Variants in LOXL3 observed in about 807,000 individuals in gnomAD.
The protein encoded by LOXL3 is lysyl oxidase like 3.
LOXL3 carries 60 observed loss-of-function variants against 91.8 expected under a neutral mutation model. The observed-to-expected ratio is 0.65, with a 90% CI of 0.53 to 0.81. The LOEUF (loss-of-function observed/expected upper bound fraction) is 0.81, where lower values mean the gene tolerates loss of function less well. Ranked by LOEUF, LOXL3 falls within the 30% of genes least tolerant of loss-of-function variation. The probability of loss-of-function intolerance (pLI) is 0.00; values close to 1 mark genes in which losing one functional copy is unlikely to be tolerated. For missense variants in LOXL3, 874 were observed against 1,000.4 expected (o/e 0.87, Z 1.70); for synonymous variants, 355 against 387.6 (o/e 0.92, Z 0.99).
chr2:74,534,330 G>A lies in LOXL3; in HGVS notation c.1925C>T (p.Thr642Ile), dbSNP rs773192522. ...GHKASFCLED[T>I]ECQEDVSKRY... ...CCCCAACTCACCCTCCTGACACTCA[G>A]TGTCTTCGAGACAGAAACTAGCTTT... The change falls in exon 11 of 14, where the codon ACT becomes ATT. Residue 642 changes from threonine (T) to isoleucine (I), a missense_variant. Thr to Ile is a moderately conservative substitution (Grantham distance 89, BLOSUM62 -1). Coordinates refer to ENST00000264094, the MANE Select transcript of LOXL3 (RefSeq NM_032603.5). 3.1e-6 allele frequency: 5 copies of A among 1,614,274 alleles called. No individual in the cohort carries two copies. The highest frequency in any genetic ancestry group is 1.1e-5 in the South Asian group (1 of 91,092).
chr2:74,555,606 A>G, upstream of LOXL3: 1 of 1,614,042 alleles, frequency 6.2e-7, no homozygotes. The surrounding 1 kb of genome is among the most constrained non-coding windows in gnomAD (Gnocchi z 6.1). Context: ...CCTACCGATA[A>G]CCCACCTAAG....
chr2:74,539,404 C>G (rs1331356460), intron 4 of LOXL3, among the ~76,000 whole-genome samples: 1 of 151,804 alleles, frequency 6.6e-6, no homozygotes, highest in African/African-American at 2.4e-5. Flanking sequence ...GATGTCAATC[C>G]AGGTGGGGGA....
chr2:74,542,151 G>A (rs570395888), intron 4 of LOXL3, among the ~76,000 whole-genome samples: 1 of 151,738 alleles, frequency 6.6e-6, no homozygotes, highest in East Asian at 1.9e-4. Flanking sequence ...AAATTAGCCG[G>A]GTGTGGTGGC....
intron 4 of LOXL3, among the ~76,000 whole-genome samples, chr2:74,537,945 C>T (rs1676120646): frequency 6.6e-6 from 1 of 152,184 alleles, no homozygotes; most frequent in African/African-American, 2.4e-5. Context: ...ATAATGTGCC[C>T]TATCACTTGA....
chr2:74,542,455 A>T (rs1208724905), intron 4 of LOXL3, among the ~76,000 whole-genome samples: 1 of 152,002 alleles, frequency 6.6e-6, no homozygotes, highest in South Asian at 2.1e-4. Flanking sequence ...AATTTTTCTC[A>T]GTCCTGCATA....
At chr2:74,534,863 T>G (rs1448174453) in intron 9 of LOXL3, 89 bp from the exon 10 acceptor site, 1 of 1,427,166 alleles carries the variant, frequency 7.0e-7, no homozygotes, top group Non-Finnish European at 9.5e-7. Flanking sequence ...GTAAGACTAG[T>G]TTTTTGTTTT....
At position 74,532,607 on chromosome 2, in the gene LOXL3, G is replaced by A. The variant is rs187449105; in HGVS notation, c.*999C>T. 1.2e-5 allele frequency: 20 copies of A among 1,611,658 alleles called. No individual in the cohort carries two copies. In the East Asian group the frequency reaches 4.0e-4, roughly 32 times the overall value. On this transcript the variant is annotated 3_prime_UTR_variant, in exon 14 of 14. Transcript: ENST00000264094. ...CTGGGTTTGGCTAATAGGGTGATCT[G>A]TGTACTTTCAGCATCCTTGCTGAAC... is the stretch of plus-strand genomic sequence containing the variant.
chr2:74,541,647 A>G (rs1450571396), intron 4 of LOXL3, among the ~76,000 whole-genome samples: 2 of 152,124 alleles, frequency 1.3e-5, no homozygotes, highest in Admixed American at 1.3e-4. Context: ...TCACCAATCA[A>G]CCTGGAGAGT....
intron 4 of LOXL3, among the ~76,000 whole-genome samples, chr2:74,547,994 C>T (rs1385834430): frequency 6.6e-6 from 1 of 152,228 alleles, no homozygotes; most frequent in Non-Finnish European, 1.5e-5. Context: ...TTGGTTACAT[C>T]ATTGAAGTGT....
rs373368024 is a variant in LOXL3 at position 74,552,466 on chromosome 2, G to C, written c.169C>G (p.Arg57Gly). 1 of 1,613,676 alleles carries C rather than the reference G, an allele frequency of 6.2e-7. No individual in the cohort carries two copies. Among genetic ancestry groups the C allele is most frequent in the Non-Finnish European group, 8.5e-7 (1 of 1,179,904 alleles). The change falls in exon 2 of 14, where the codon CGC (arginine) becomes GGC (glycine). Residue 57 changes from arginine to glycine, a missense_variant. By Grantham distance (125) the Arg-to-Gly change is moderately radical. Coordinates refer to ENST00000264094, the MANE Select transcript of LOXL3 (RefSeq NM_032603.5). ...TCACCAGCTCGCTGTATCTCCACGC[G>C]GCCCTCGTAGGGCTTCCTGGGGAAG... ...AGFPRKPYEG[R>G]VEIQRAGEWG...
chr2:74,552,608 C>T lies in LOXL3; in HGVS notation c.27G>A (p.Trp9Ter). Residue 9 changes from tryptophan to a stop codon, truncating the protein, a stop_gained, in exon 2 of 14, where the codon TGG (tryptophan) becomes TGA (stop). Transcript: ENST00000264094. LOFTEE classifies it high-confidence loss of function. MRPVSVWQ[W>*]SPWGLLLCLL... ...GGCACAGCAGCAGCCCCCAGGGGCT[C>T]CACTGCCAGACACTGACAGGTCGCA... 6.3e-7 allele frequency: 1 copy of T among 1,581,940 alleles called. No individual in the cohort carries two copies. The highest frequency in any genetic ancestry group is 8.6e-7 in the Non-Finnish European group (1 of 1,159,098).
intron 4 of LOXL3, among the ~76,000 whole-genome samples, chr2:74,538,628 G>A (rs910237404): frequency 1.3e-5 from 2 of 152,212 alleles, no homozygotes; most frequent in African/African-American, 4.8e-5. Flanking sequence ...AGAGGCAGGG[G>A]CTGTCAATCT....
In LOXL3 at chr2:74,536,754, T is replaced by G; in HGVS notation, c.867A>C (p.Ala289=). The change falls in exon 5 of 14, where the codon GCA becomes GCC. Residue 289 remains alanine, a synonymous_variant. Transcript: ENST00000264094. The surrounding 1 kb of genome is among the most constrained non-coding windows in gnomAD (Gnocchi z 4.5). ...GTTGTTGCTTCTTCTGGCCACTGGA[T>G]GCCGCGTAGACAGGGCCTGGCACAC... ...VSCVPGPVYA[A]SSGQKKQQQS... 6.2e-7 allele frequency: 1 copy of G among 1,614,172 alleles called. No individual in the cohort carries two copies. Among genetic ancestry groups the G allele is most frequent in the Non-Finnish European group, 8.5e-7 (1 of 1,180,022 alleles).
chr2:74,550,617 C>T lies in LOXL3; in HGVS notation c.314-269G>A, dbSNP rs75639230. Among the ~76,000 whole-genome samples the T allele has an allele frequency of 4.8e-3, 729 of 152,318 alleles. 3 individuals carry two copies. The highest frequency in any genetic ancestry group is 0.016 in the African/African-American group (676 of 41,572). On this transcript the variant is annotated intron_variant, in intron 2 of 13. Transcript: ENST00000264094. Reference sequence around the variant, plus strand: ...CAAGAATCAACCCTGAAGTTCTGATCAGTCTCTACCCATTCATTGATAGCT... The same window carrying T: ...CAAGAATCAACCCTGAAGTTCTGATTAGTCTCTACCCATTCATTGATAGCT...
rs1676046600 is a variant in LOXL3, at chr2:74,536,727, CTGT to C, written c.891_893del (p.Gln298del). On this transcript the variant is annotated inframe_deletion, in exon 5 of 14. Transcript: ENST00000264094. The surrounding 1 kb of genome is among the most constrained non-coding windows in gnomAD (Gnocchi z 4.5). The stretch of plus-strand genomic sequence containing the variant: ...CACACACCTCCCCCTGAGGCTTCGA[CTGT>C]TGTTGCTTCTTCTGGCCACTGGATG... The C allele has an allele frequency of 3.1e-6, 5 of 1,614,206 alleles. No homozygotes were observed. The highest frequency in any genetic ancestry group is 1.7e-5 in the Admixed American group (1 of 60,022).
In LOXL3 at chr2:74,533,167, A is replaced by G. The variant is rs755820795; in HGVS notation, c.*439T>C. 1 of 613,654 alleles carries G rather than the reference A, an allele frequency of 1.6e-6. No individual in the cohort carries two copies. The highest frequency in any genetic ancestry group is 2.0e-5 in the South Asian group (1 of 50,266). 38.0% of individuals were successfully genotyped at this position (613,654 alleles called of 1,614,324 possible). A position where few individuals can be genotyped will look rare whatever the true frequency, so the allele number is the denominator to read the frequency against. ...CACTTTTTATATAAAATAAAATTAT[A>G]CCTAGCAACATATTATAGTAAAAAA... On this transcript the variant is annotated 3_prime_UTR_variant, in exon 14 of 14. Transcript: ENST00000264094.
At chr2:74,555,611 C>A, upstream of LOXL3, 1 of 1,614,192 alleles carries the variant, frequency 6.2e-7, no homozygotes, top group Non-Finnish European at 8.5e-7. The surrounding 1 kb of genome is among the most constrained non-coding windows in gnomAD (Gnocchi z 6.1). Flanking sequence ...CGATAACCCA[C>A]CTAAGCTTTC....
chr2:74,554,711 T>C (rs911465988), upstream of LOXL3: 3 of 1,598,706 alleles, frequency 1.9e-6, no homozygotes, highest in Non-Finnish European at 2.6e-6. The surrounding 1 kb of genome is among the most constrained non-coding windows in gnomAD (Gnocchi z 4.9). Flanking sequence ...CCGCCCCGCC[T>C]CCCGCCGCAG....
chr2:74,545,136 ATGGCTGC>A (rs1676527169), intron 4 of LOXL3, among the ~76,000 whole-genome samples: 1 of 152,240 alleles, frequency 6.6e-6, no homozygotes, highest in Non-Finnish European at 1.5e-5. Flanking sequence ...AAGCCCAGAG[ATGGCTGC>A]TGGTACCATC....
Sources: allele counts gnomAD v4.1 joint callset (sites outside exome capture counted in the v4.1 genomes callset), GRCh38; gene constraint gnomAD v4.1.1; non-coding constraint Gnocchi (gnomAD v3.1); transcripts MANE v1.5; gene names NCBI Gene and HGNC (gene_info 2026-07-23, HGNC 2026-07-21).